LHFPL6: variants seen among roughly 807,000 people sequenced by gnomAD.
LHFPL6 encodes LHFPL tetraspan subfamily member 6, also known as LHFPL tetraspan subfamily member 6 protein.
A neutral mutation model predicts 20.6 loss-of-function variants in LHFPL6; 9 were observed. That is an observed-to-expected ratio of 0.44 (90% CI 0.26 to 0.76). The LOEUF is 0.76. Among genes scored for constraint, LHFPL6 ranks in the 30% least tolerant of loss-of-function variants. The pLI is 0.20. For missense variants in LHFPL6, 218 were observed against 253.5 expected (o/e 0.86, Z 0.95); for synonymous variants, 105 against 98.7 (o/e 1.06, Z -0.38).
intron 2 of LHFPL6, among the ~76,000 whole-genome samples, chr13:39,401,545 G>T (rs1593298828): frequency 6.6e-6 from 1 of 152,180 alleles, no homozygotes; most frequent in South Asian, 2.1e-4. Flanking sequence ...GAAGCAGAAA[G>T]ATAAGCAGCA....
chr13:39,352,849 AAATGTATATATATGTG>A lies in LHFPL6; in HGVS notation c.485-8811_485-8796del, dbSNP rs1566091529. Reference sequence around the variant, plus strand: ...TATATATATATGTGTATATATATATAAATGTATATATATGTGTATATATATATATAAATGTATATAT... The same window carrying A: ...TATATATATATGTGTATATATATATATATATATATATATAAATGTATATAT... On this transcript the variant is annotated intron_variant, in intron 3 of 3. Coordinates refer to ENST00000379589, the MANE Select transcript of LHFPL6 (RefSeq NM_005780.3). Among the ~76,000 whole-genome samples the A allele has an allele frequency of 6.5e-3, 623 of 95,244 alleles. 3 individuals carry two copies. The highest frequency in any genetic ancestry group is 0.014 in the South Asian group (33 of 2,278). The allele number at this position is 95,244 out of a possible 152,430, so 62.5% of individuals were successfully genotyped here. A position where few individuals can be genotyped will look rare whatever the true frequency, so the allele number is the denominator to read the frequency against.
chr13:39,407,447 A>G (rs1225083505), intron 2 of LHFPL6, among the ~76,000 whole-genome samples: 1 of 152,220 alleles, frequency 6.6e-6, no homozygotes, highest in Non-Finnish European at 1.5e-5. Context: ...AGCCACAAAC[A>G]TCTTCACTAA....
At chr13:39,428,094 T>C (rs1871691161) in intron 2 of LHFPL6, among the ~76,000 whole-genome samples, 2 of 152,196 alleles carry the variant, frequency 1.3e-5, no homozygotes, top group African/African-American at 4.8e-5. Flanking sequence ...TCATTGGAAC[T>C]ATAAGCCAAT....
intron 2 of LHFPL6, among the ~76,000 whole-genome samples, chr13:39,554,042 C>T (rs141687084): frequency 4.6e-5 from 7 of 152,346 alleles, no homozygotes; most frequent in African/African-American, 1.2e-4. Flanking sequence ...AAAGGCTCAT[C>T]TACCTTTCAA....
At chr13:39,559,770 C>T (rs914896335) in intron 2 of LHFPL6, among the ~76,000 whole-genome samples, 11 of 152,160 alleles carry the variant, frequency 7.2e-5, no homozygotes, top group Non-Finnish European at 1.6e-4. Context: ...GCCACCTAAC[C>T]TACATGTGGT....
At chr13:39,510,204 C>G (rs879619339) in intron 2 of LHFPL6, among the ~76,000 whole-genome samples, 3 of 151,684 alleles carry the variant, frequency 2.0e-5, no homozygotes, top group Non-Finnish European at 2.9e-5. Context: ...AGAGTAAAAA[C>G]TAATTAAACA....
chr13:39,358,417 G>A (rs368484902), intron 3 of LHFPL6, among the ~76,000 whole-genome samples: 1 of 152,256 alleles, frequency 6.6e-6, no homozygotes, highest in South Asian at 2.1e-4. Flanking sequence ...AGATTTAGAT[G>A]TAAGACCTCA....
At chr13:39,515,260 G>T (rs77715109) in intron 2 of LHFPL6, among the ~76,000 whole-genome samples, 2,120 of 152,314 alleles carry the variant, frequency 0.014, 51 homozygotes, top group African/African-American at 0.048. Context: ...GAAGCAATGC[G>T]CCTTCAGACC....
At chr13:39,483,166 G>A (rs953305037) in intron 2 of LHFPL6, among the ~76,000 whole-genome samples, 3 of 152,138 alleles carry the variant, frequency 2.0e-5, no homozygotes, top group Non-Finnish European at 4.4e-5. Context: ...GGAAACACAT[G>A]TGGACATTTT....
intron 2 of LHFPL6, among the ~76,000 whole-genome samples, chr13:39,520,110 C>G (rs770689790): frequency 5.3e-5 from 8 of 152,160 alleles, no homozygotes; most frequent in Non-Finnish European, 1.0e-4. Flanking sequence ...TCTTCAGAAT[C>G]GGTTCATCTG....
At chr13:39,356,430 C>T (rs1012919870) in intron 3 of LHFPL6, among the ~76,000 whole-genome samples, 1 of 152,114 alleles carries the variant, frequency 6.6e-6, no homozygotes. Context: ...AGAAAGATCT[C>T]AAGTTAATAA....
At chr13:39,422,419 T>C (rs1169671466) in intron 2 of LHFPL6, among the ~76,000 whole-genome samples, 2 of 151,984 alleles carry the variant, frequency 1.3e-5, no homozygotes, top group Non-Finnish European at 2.9e-5. Flanking sequence ...ACCTCATCTC[T>C]ACTAAAAATA....
chr13:39,347,186 G>A (rs1349454131), intron 3 of LHFPL6, among the ~76,000 whole-genome samples: 1 of 150,334 alleles, frequency 6.7e-6, no homozygotes, highest in Admixed American at 6.6e-5. Context: ...CACACTTCAT[G>A]ACCACTCTCT....
chr13:39,540,637 C>T (rs1173175289), intron 2 of LHFPL6, among the ~76,000 whole-genome samples: 1 of 152,026 alleles, frequency 6.6e-6, no homozygotes, highest in East Asian at 1.9e-4. Context: ...TTTTGGGGGG[C>T]TAACAATTAA....
chr13:39,579,935 T>A (rs1593372348), intron 2 of LHFPL6, among the ~76,000 whole-genome samples: 2 of 152,192 alleles, frequency 1.3e-5, no homozygotes, highest in East Asian at 3.9e-4. Flanking sequence ...TACTTCTTTG[T>A]TCCCATAGTA....
rs113804521 is a variant in LHFPL6 at position 39,599,546 on chromosome 13, C to T, written c.385+1286G>A. ...CAGGTAGGTCCCCCACACTGCCTCC[C>T]GGGAGGGACTAAGGTGCAAACCCAA... On this transcript the variant is annotated intron_variant, in intron 2 of 3. Transcript: ENST00000379589. 2.8e-3 allele frequency among the ~76,000 whole-genome samples: 424 copies of T among 152,264 alleles called. 3 individuals carry two copies. Among genetic ancestry groups the T allele is most frequent in the Middle Eastern group, 6.8e-3 (2 of 294 alleles).
intron 3 of LHFPL6, among the ~76,000 whole-genome samples, chr13:39,355,117 G>T (rs777960468): frequency 1.3e-5 from 2 of 149,216 alleles, no homozygotes; most frequent in Non-Finnish European, 3.0e-5. Context: ...TGACATGAAA[G>T]AAAAAAATCT....
chr13:39,544,988 AT>A (rs1438192232), intron 2 of LHFPL6, among the ~76,000 whole-genome samples: 1 of 151,886 alleles, frequency 6.6e-6, no homozygotes, highest in Non-Finnish European at 1.5e-5. Flanking sequence ...CACACCTGTA[AT>A]CCCAGCACTT....
At chr13:39,369,597 T>TCCTTCCTTCCTTCCTTCCTTCCTC (rs763910245) in intron 3 of LHFPL6, among the ~76,000 whole-genome samples, 47 of 87,346 alleles carry the variant, frequency 5.4e-4, no homozygotes, top group African/African-American at 9.5e-4. Flanking sequence ...CTTCCTTCCT[T>TCCTTCCTTCCTTCCTTCCTTCCTC]CCTCCCTCTC....
Sources: gnomAD v4.1 joint callset for allele counts (sites outside exome capture counted in the v4.1 genomes callset) on GRCh38, gnomAD v4.1.1 for gene constraint, MANE v1.5 for transcripts, NCBI Gene and HGNC (gene_info 2026-07-23, HGNC 2026-07-21) for gene names.